Variants in PBX3 observed in about 807,000 individuals in gnomAD.
PBX3 encodes PBX homeobox 3, also known as pre-B-cell leukemia transcription factor 3.
Under a neutral mutation model 48.5 loss-of-function variants are expected in PBX3, and 14 were observed. That is an observed-to-expected ratio of 0.29 (90% CI 0.19 to 0.45). The LOEUF (loss-of-function observed/expected upper bound fraction) is 0.45, where lower values mean the gene tolerates loss of function less well. Ranked by LOEUF, PBX3 falls within the 20% of genes least tolerant of loss-of-function variation. The pLI is 1.00. For synonymous variants in PBX3, 210 were observed against 200.3 expected (o/e 1.05, Z -0.41); for missense variants, 386 against 546.7 (o/e 0.71, Z 2.93).
chr9:125,797,621 T>C (rs1837823446), intron 2 of PBX3, among the ~76,000 whole-genome samples: 1 of 152,166 alleles, frequency 6.6e-6, no homozygotes, highest in African/African-American at 2.4e-5. Flanking sequence ...AAATGGTTAC[T>C]GTAGTGAAAC....
At chr9:125,771,981 T>A (rs1836950730) in intron 2 of PBX3, among the ~76,000 whole-genome samples, 1 of 152,186 alleles carries the variant, frequency 6.6e-6, no homozygotes, top group Admixed American at 6.5e-5. Flanking sequence ...TCTGCTGGTA[T>A]AATTTATGTT....
chr9:125,751,557 TC>T (rs1836375997), intron 2 of PBX3, among the ~76,000 whole-genome samples: 2 of 152,236 alleles, frequency 1.3e-5, no homozygotes, highest in African/African-American at 4.8e-5. Flanking sequence ...TGCTGCTTTT[TC>T]TTGAGAATAT....
intron 2 of PBX3, among the ~76,000 whole-genome samples, chr9:125,864,428 G>T (rs1263628492): frequency 6.6e-6 from 1 of 152,166 alleles, no homozygotes; most frequent in Non-Finnish European, 1.5e-5. Context: ...GATGATTCAA[G>T]TGCATTACAT....
chr9:125,870,495 C>A (rs1588241772), intron 2 of PBX3, among the ~76,000 whole-genome samples: 1 of 150,790 alleles, frequency 6.6e-6, no homozygotes, highest in African/African-American at 2.5e-5. Context: ...AACAAACAAA[C>A]AAAAAAACCC....
intron 3 of PBX3, among the ~76,000 whole-genome samples, chr9:125,928,390 AAATG>A (rs1004287348): frequency 8.0e-6 from 1 of 124,442 alleles, no homozygotes; most frequent in Non-Finnish European, 1.6e-5. Flanking sequence ...TAGGGGAAAC[AAATG>A]TGTGTGTGTG....
At chr9:125,748,650 C>G in intron 2 of PBX3, 27 bp downstream of exon 2, 1 of 1,594,470 alleles carries the variant, frequency 6.3e-7, no homozygotes, top group Non-Finnish European at 8.6e-7. Context: ...CGCAGTGGGC[C>G]TGGAGACCCC....
chr9:125,791,227 A>G (rs923872293), intron 2 of PBX3, among the ~76,000 whole-genome samples: 1 of 152,072 alleles, frequency 6.6e-6, no homozygotes, highest in South Asian at 2.1e-4. Flanking sequence ...CCCTAATTGT[A>G]TATTAATAGT....
rs563898759 is a variant in PBX3 at position 125,908,608 on chromosome 9, T to C, written c.275-7078T>C. ...GGCATGTGGTAAAATTTAAAGAATA[T>C]CATCAGCACCATTAGATCATTAGGT... On this transcript the variant is annotated intron_variant, in intron 2 of 8. Transcript: ENST00000373489. Among the ~76,000 whole-genome samples the C allele has an allele frequency of 1.3e-3, 199 of 152,156 alleles. 1 individual carries two copies. The highest frequency in any genetic ancestry group is 4.5e-3 in the African/African-American group (188 of 41,508).
chr9:125,871,347 C>T (rs1840119286), intron 2 of PBX3, among the ~76,000 whole-genome samples: 1 of 148,298 alleles, frequency 6.7e-6, no homozygotes, highest in South Asian at 2.1e-4. Context: ...CGCCACTGCA[C>T]TCCAGTCTGG....
intron 2 of PBX3, among the ~76,000 whole-genome samples, chr9:125,899,427 C>CA (rs1840881527): frequency 9.0e-6 from 1 of 110,636 alleles, no homozygotes; most frequent in African/African-American, 3.4e-5. Flanking sequence ...ATATGTATGT[C>CA]TATATATATG....
At chr9:125,792,058 G>T (rs934831359) in intron 2 of PBX3, among the ~76,000 whole-genome samples, 9 of 148,850 alleles carry the variant, frequency 6.0e-5, no homozygotes, top group Non-Finnish European at 7.5e-5. Flanking sequence ...ACGCACGCAC[G>T]CACGCACGCA....
intron 2 of PBX3, among the ~76,000 whole-genome samples, chr9:125,784,184 AG>A (rs1219313174): frequency 6.6e-6 from 1 of 152,088 alleles, no homozygotes; most frequent in African/African-American, 2.4e-5. Flanking sequence ...GCTGGAGTAC[AG>A]TGGTGCGATC....
chr9:125,826,987 C>T (rs752557134), intron 2 of PBX3, among the ~76,000 whole-genome samples: 5 of 152,180 alleles, frequency 3.3e-5, no homozygotes, highest in Non-Finnish European at 7.4e-5. Context: ...TTTAATCTAA[C>T]TGTATGTTTG....
chr9:125,748,627 A>C lies in PBX3; in HGVS notation c.274+4A>C. The C allele has an allele frequency of 6.2e-7, 1 of 1,612,470 alleles. No homozygotes were observed. The highest frequency in any genetic ancestry group is 2.2e-5 in the East Asian group (1 of 44,876). On this transcript the variant is annotated splice_donor_region_variant and intron_variant, in intron 2 of 8. Coordinates refer to ENST00000373489, the MANE Select transcript of PBX3 (RefSeq NM_006195.6). Reference sequence around the variant, plus strand: ...TGTGAGATCAAAGAGAAAACAGGTAAGACGCTGCGCCCCGCAGTGGGCCTG... The same window carrying C: ...TGTGAGATCAAAGAGAAAACAGGTACGACGCTGCGCCCCGCAGTGGGCCTG...
rs200454523 is a variant in PBX3, at chr9:125,760,935, CAT to C, written c.274+12313_274+12314del. On this transcript the variant is annotated intron_variant, in intron 2 of 8. Coordinates refer to ENST00000373489, the MANE Select transcript of PBX3 (RefSeq NM_006195.6). Reference sequence around the variant, plus strand: ...ACCAATATTTTACATTTTCTTATGACATGTGTATATGGAGGAAGTGCCATTTA... The same window carrying C: ...ACCAATATTTTACATTTTCTTATGACGTGTATATGGAGGAAGTGCCATTTA... Among the ~76,000 whole-genome samples the C allele has an allele frequency of 5.1e-4, 78 of 152,220 alleles. 1 individual carries two copies. The South Asian group carries it at 5.2e-3, about 10-fold the overall frequency.
chr9:125,876,058 C>CA (rs920914992), intron 2 of PBX3, among the ~76,000 whole-genome samples: 4 of 152,112 alleles, frequency 2.6e-5, no homozygotes, highest in African/African-American at 9.7e-5. Context: ...AATAATAATA[C>CA]AAAAAAATTC....
intron 2 of PBX3, among the ~76,000 whole-genome samples, chr9:125,795,558 C>T (rs1442841206): frequency 6.6e-6 from 1 of 152,104 alleles, no homozygotes; most frequent in Admixed American, 6.5e-5. Flanking sequence ...CAATCATATA[C>T]AACATGTAAA....
intron 2 of PBX3, among the ~76,000 whole-genome samples, chr9:125,858,641 T>C (rs1049419377): frequency 4.0e-5 from 6 of 151,192 alleles, no homozygotes; most frequent in East Asian, 3.9e-4. Flanking sequence ...TTTTTTTTTT[T>C]CAAGATGAAG....
intron 2 of PBX3, among the ~76,000 whole-genome samples, chr9:125,860,550 A>G (rs1192578674): frequency 1.3e-5 from 2 of 152,220 alleles, no homozygotes; most frequent in African/African-American, 4.8e-5. Flanking sequence ...AAGAAATTCC[A>G]GTGAATAAAG....
Sources: allele counts gnomAD v4.1 joint callset (sites outside exome capture counted in the v4.1 genomes callset), GRCh38; gene constraint gnomAD v4.1.1; transcripts MANE v1.5; gene names NCBI Gene and HGNC (gene_info 2026-07-23, HGNC 2026-07-21).